Variants in MTMR14 observed in about 807,000 individuals in gnomAD.
The protein encoded by MTMR14 is myotubularin related protein 14, also known as phosphatidylinositol-3,5-bisphosphate 3-phosphatase MTMR14.
Under a neutral mutation model 86.3 loss-of-function variants are expected in MTMR14, and 48 were observed. That is an observed-to-expected ratio of 0.56 (90% CI 0.44 to 0.71). The LOEUF (loss-of-function observed/expected upper bound fraction) is 0.71. Ranked by LOEUF, MTMR14 falls within the 30% of genes least tolerant of loss-of-function variation. The pLI, the probability that MTMR14 is intolerant of heterozygous loss-of-function variation, is 0.00. For synonymous variants in MTMR14, 366 were observed against 326.1 expected, an observed-to-expected ratio of 1.12 and a Z score of -1.32; for missense variants, 780 against 834.6, an observed-to-expected ratio of 0.93 and a Z score of 0.81.
intron 7 of MTMR14, 110 bp downstream of exon 7, chr3:9,672,868 G>A: frequency 1.0e-6 from 1 of 986,630 alleles, no homozygotes; most frequent in Non-Finnish European, 1.6e-6. Context: ...TTCCTGGAGG[G>A]TTTGTGTCAG....
chr3:9,656,201 TAAAAA>T (rs544986685), intron 2 of MTMR14, among the ~76,000 whole-genome samples: 263 of 144,808 alleles, frequency 1.8e-3, no homozygotes, highest in African/African-American at 3.5e-3. Flanking sequence ...CTCAAAAAAA[TAAAAA>T]AAAAAGAGTG....
At chr3:9,659,618 A>G in intron 2 of MTMR14, 1 of 428,164 alleles carries the variant, frequency 2.3e-6, no homozygotes, top group Non-Finnish European at 4.7e-6. Flanking sequence ...TAATTTTTGT[A>G]GTTTTAGTAT....
At position 9,649,643 on chromosome 3, in the gene MTMR14, C is replaced by T. The variant is rs2047162654; in HGVS notation, c.60C>T (p.Gly20=). 6.3e-7 allele frequency: 1 copy of T among 1,575,222 alleles called. No homozygotes were observed. Among genetic ancestry groups the T allele is most frequent in the African/African-American group, 1.3e-5 (1 of 74,078 alleles). ...AASAGSSASS[G]NQPPQELGLG... ...CGGCGGGGTCCTCGGCCTCTTCAGG[C>T]AACCAGCCGCCTCAGGAGCTGGGGC... The change falls in exon 1 of 19, where the codon GGC becomes GGT. Residue 20 remains glycine, a synonymous_variant. Coordinates refer to ENST00000296003, the MANE Select transcript of MTMR14 (RefSeq NM_001077525.3).
chr3:9,652,963 G>T (rs1405999551), intron 1 of MTMR14, among the ~76,000 whole-genome samples: 1 of 152,098 alleles, frequency 6.6e-6, no homozygotes, highest in Non-Finnish European at 1.5e-5. Context: ...AAGGCCGGGT[G>T]CCGTGGCTCA....
At chr3:9,667,707 G>T (rs2048331756) in intron 3 of MTMR14, among the ~76,000 whole-genome samples, 1 of 152,120 alleles carries the variant, frequency 6.6e-6, no homozygotes, top group African/African-American at 2.4e-5. Context: ...CCCCTTGTCT[G>T]CTGCTACCTC....
chr3:9,685,324 C>T (rs372178078), intron 13 of MTMR14, 77 bp downstream of exon 13: 195 of 1,556,174 alleles, frequency 1.3e-4, no homozygotes, highest in South Asian at 4.1e-4. Context: ...CTGAGTTCCA[C>T]GTGTTAGGGG....
At chr3:9,670,780 A>C (rs9863037) in intron 5 of MTMR14, among the ~76,000 whole-genome samples, 9,182 of 152,272 alleles carry the variant, frequency 0.06, 773 homozygotes, top group African/African-American at 0.19. Flanking sequence ...CTTAATGTCA[A>C]GCAATGCCAG....
At position 9,653,633 on chromosome 3, in the gene MTMR14, G is replaced by C. The variant is rs1379733715; in HGVS notation, c.172G>C (p.Glu58Gln). 1 of 1,614,136 alleles carries C rather than the reference G, an allele frequency of 6.2e-7. No individual in the cohort carries two copies. Among genetic ancestry groups the C allele is most frequent in the Admixed American group, 1.7e-5 (1 of 60,014 alleles). ...CTTCTCTGTGCAGGTTGAGCGCATT[G>C]AGAAGAGATGTCTGGAGCTGTTTGG... ...GTGGSKVERIEKRCLELFGRD... is the reference protein window; with the variant it reads ...GTGGSKVERIQKRCLELFGRD... The change falls in exon 2 of 19, where the codon GAG becomes CAG. Residue 58 changes from glutamate to glutamine, a missense_variant. Glu to Gln is a conservative substitution (Grantham distance 29). Transcript: ENST00000296003.
In MTMR14 at chr3:9,701,163, C is replaced by T. The variant is rs553357461; in HGVS notation, c.1770-627C>T. 21 of 159,476 alleles carry T rather than the reference C, an allele frequency of 1.3e-4. No individual in the cohort carries two copies. The South Asian group carries it at 1.8e-3, about 14-fold the overall frequency. The allele number at this position is 159,476 out of a possible 1,614,324, so 9.9% of individuals were successfully genotyped here. A position where few individuals can be genotyped will look rare whatever the true frequency, so the allele number is the denominator to read the frequency against. On this transcript the variant is annotated intron_variant, in intron 18 of 18. Coordinates refer to ENST00000296003, the MANE Select transcript of MTMR14 (RefSeq NM_001077525.3). The surrounding 1 kb of genome is among the most constrained non-coding windows in gnomAD (Gnocchi z 4.2). ...TTACTGTTAGGTATAAGACTTCATG[C>T]CTCAGCTTGCTCTTCCTGAGGAGTG...
At chr3:9,689,173 C>T (rs2076060411) in intron 16 of MTMR14, 91 bp downstream of exon 16, 1 of 1,568,094 alleles carries the variant, frequency 6.4e-7, no homozygotes, top group African/African-American at 1.3e-5. Flanking sequence ...AAGAACAAAG[C>T]AGGCCCCCAA....
intron 17 of MTMR14, among the ~76,000 whole-genome samples, chr3:9,691,175 G>A (rs530819387): frequency 6.6e-6 from 1 of 152,328 alleles, no homozygotes; most frequent in South Asian, 2.1e-4. Flanking sequence ...GCCCACAGGG[G>A]CCCCATGTGC....
At chr3:9,668,618 C>T (rs1364270316) in intron 3 of MTMR14, 101 bp from the exon 4 acceptor site, 86 of 1,260,588 alleles carry the variant, frequency 6.8e-5, no homozygotes, top group South Asian at 3.8e-4. Context: ...CTCCTGGGCC[C>T]GTTATGCTGG....
rs768381009 is a variant in MTMR14 at position 9,688,656 on chromosome 3, A to G, written c.1236-40A>G. 3.7e-6 allele frequency: 6 copies of G among 1,612,518 alleles called. No individual in the cohort carries two copies. The African/African-American group carries it at 6.7e-5, about 18-fold the overall frequency. On this transcript the variant is annotated intron_variant, in intron 14 of 18. Transcript: ENST00000296003. ...GGAACGGGGGACACAATAAGACCCC[A>G]GATAGATCTGGAATTTACTGCTCCG...
rs555314558 is a variant in MTMR14, at chr3:9,686,489, C to G, written c.1164+1242C>G. 1.2e-3 allele frequency among the ~76,000 whole-genome samples: 190 copies of G among 152,262 alleles called. 1 individual carries two copies. Among genetic ancestry groups the G allele is most frequent in the African/African-American group, 4.1e-3 (172 of 41,550 alleles). ...TCATCTTCAGGACCTTTCTGTTACC[C>G]CCCCCAGACAATCCAGACACTGATG... On this transcript the variant is annotated intron_variant, in intron 13 of 18. Transcript: ENST00000296003.
At chr3:9,663,200 C>G (rs145103798) in intron 3 of MTMR14, among the ~76,000 whole-genome samples, 2 of 151,736 alleles carry the variant, frequency 1.3e-5, no homozygotes, top group Non-Finnish European at 2.9e-5. Flanking sequence ...GGGAAGGGAG[C>G]GGAATTCAGT....
chr3:9,675,689 T>A (rs1359806707), intron 7 of MTMR14: 1 of 457,394 alleles, frequency 2.2e-6, no homozygotes, highest in East Asian at 6.9e-5. Flanking sequence ...ACATTAGGCA[T>A]TTGCCCTGAG....
intron 13 of MTMR14, 145 bp downstream of exon 13, chr3:9,685,392 G>T: frequency 2.0e-6 from 2 of 1,004,012 alleles, no homozygotes; most frequent in Non-Finnish European, 3.1e-6. Context: ...TCCTGAGGCA[G>T]CGTGGCAGGA....
rs111423984 is a variant in MTMR14 at position 9,675,587 on chromosome 3, T to C, written c.752-1730T>C. On this transcript the variant is annotated intron_variant, in intron 7 of 18. Coordinates refer to ENST00000296003, the MANE Select transcript of MTMR14 (RefSeq NM_001077525.3). ...CAAATTCTGCAGCACAAATCTAATTTGTTTCCTCCTTGAGTGAATGGCACT... is the reference window on the plus strand; with the variant it reads ...CAAATTCTGCAGCACAAATCTAATTCGTTTCCTCCTTGAGTGAATGGCACT... 148 of 457,382 alleles carry C rather than the reference T, an allele frequency of 3.2e-4. 3 individuals are homozygous for C. The highest frequency in any genetic ancestry group is 2.4e-3 in the African/African-American group (122 of 50,196). The allele number at this position is 457,382 out of a possible 1,614,324, so 28.3% of individuals were successfully genotyped here. A position where few individuals can be genotyped will look rare whatever the true frequency, so the allele number is the denominator to read the frequency against.
chr3:9,684,770 T>A, intron 11 of MTMR14, 100 bp downstream of exon 11: 1 of 1,542,950 alleles, frequency 6.5e-7, no homozygotes, highest in South Asian at 1.1e-5. Context: ...TCAGAGCAGA[T>A]GTGTTTAACC....
Sources: gnomAD v4.1 joint callset for allele counts (sites outside exome capture counted in the v4.1 genomes callset) on GRCh38, gnomAD v4.1.1 for gene constraint, Gnocchi (gnomAD v3.1) non-coding constraint, MANE v1.5 for transcripts, NCBI Gene and HGNC (gene_info 2026-07-23, HGNC 2026-07-21) for gene names.